Variants in RIMBP2 observed in about 807,000 individuals in gnomAD.
The protein encoded by RIMBP2 is RIMS-binding protein 2.
In RIMBP2, 48 loss-of-function variants were observed where a neutral mutation model predicts 118.6. The ratio of observed to expected loss-of-function variants is 0.40; its 90% CI spans 0.32 to 0.51. The LOEUF (loss-of-function observed/expected upper bound fraction) is 0.51. Among genes scored for constraint, RIMBP2 ranks in the 20% least tolerant of loss-of-function variants. The probability of loss-of-function intolerance (pLI) is 0.41; values close to 1 mark genes in which losing one functional copy is unlikely to be tolerated. For missense variants in RIMBP2, 1,551 were observed against 1,768.3 expected (o/e 0.88, Z 2.20); for synonymous variants, 762 against 742.9 (o/e 1.03, Z -0.42).
At chr12:130,544,839 T>C (rs1319843132) in intron 2 of RIMBP2, among the ~76,000 whole-genome samples, 1 of 151,942 alleles carries the variant, frequency 6.6e-6, no homozygotes, top group African/African-American at 2.4e-5. Context: ...GTGATCTGCC[T>C]GCCTCCACCT....
intron 1 of RIMBP2, among the ~76,000 whole-genome samples, chr12:130,714,336 C>A (rs1409955115): frequency 2.0e-5 from 3 of 152,252 alleles, no homozygotes; most frequent in Admixed American, 6.5e-5. Context: ...CCCGGCTGCA[C>A]GCTGGCCTCA....
At chr12:130,566,792 T>C (rs147883809) in intron 2 of RIMBP2, among the ~76,000 whole-genome samples, 1 of 152,356 alleles carries the variant, frequency 6.6e-6, no homozygotes, top group East Asian at 1.9e-4. Context: ...TTAAAATTGC[T>C]AAGTTTGGGG....
chr12:130,425,851 C>T (rs915586724), intron 15 of RIMBP2: 11 of 152,376 alleles, frequency 7.2e-5, no homozygotes, highest in African/African-American at 2.2e-4. Context: ...GTCTGTCCCC[C>T]CTCTTGCTGT....
chr12:130,402,029 C>T (rs940409506), intron 21 of RIMBP2, among the ~76,000 whole-genome samples: 1 of 152,216 alleles, frequency 6.6e-6, no homozygotes. Flanking sequence ...GAACTGCCTG[C>T]ACTGGTTATT....
chr12:130,637,105 CCA>C (rs1406229200), intron 1 of RIMBP2, among the ~76,000 whole-genome samples: 1 of 152,162 alleles, frequency 6.6e-6, no homozygotes, highest in Non-Finnish European at 1.5e-5. Context: ...ATAGAAAATT[CCA>C]CACTCCACAG....
chr12:130,455,631 G>A (rs930000336), intron 7 of RIMBP2, among the ~76,000 whole-genome samples: 3 of 152,212 alleles, frequency 2.0e-5, no homozygotes, highest in African/African-American at 7.2e-5. Flanking sequence ...CAAGACACAA[G>A]TGGCATCTCC....
intron 1 of RIMBP2, among the ~76,000 whole-genome samples, chr12:130,678,250 G>A (rs1029408809): frequency 1.6e-4 from 24 of 152,282 alleles, no homozygotes; most frequent in African/African-American, 5.5e-4. Flanking sequence ...GGGGAGCAGC[G>A]AAAACGCCAA....
intron 1 of RIMBP2, among the ~76,000 whole-genome samples, chr12:130,649,795 G>A (rs1378380748): frequency 1.3e-5 from 2 of 151,956 alleles, no homozygotes; most frequent in Admixed American, 6.6e-5. Flanking sequence ...AACAGGGAGG[G>A]GTGCCCTGCT....
chr12:130,708,469 C>T (rs1949657845), intron 1 of RIMBP2, among the ~76,000 whole-genome samples: 1 of 152,138 alleles, frequency 6.6e-6, no homozygotes, highest in African/African-American at 2.4e-5. Context: ...AGGAGGATCG[C>T]TTGAGTCCAG....
In RIMBP2 at chr12:130,438,517, C is replaced by A; in HGVS notation, c.1505-1G>T. ...ACATCTTGTGGGGGTGCTGGGGGTC[C>A]TGGGAGGGGACAGAAGGGAACGGAG... On this transcript the variant is annotated splice_acceptor_variant, in intron 11 of 22. Transcript: ENST00000690449. LOFTEE classifies it high-confidence loss of function. 1 of 1,597,768 alleles carries A rather than the reference C, an allele frequency of 6.3e-7. No individual in the cohort carries two copies. Among genetic ancestry groups the A allele is most frequent in the Non-Finnish European group, 8.5e-7 (1 of 1,171,572 alleles).
At chr12:130,711,853 A>G (rs766555463) in intron 1 of RIMBP2, among the ~76,000 whole-genome samples, 3 of 152,216 alleles carry the variant, frequency 2.0e-5, no homozygotes, top group Non-Finnish European at 4.4e-5. Context: ...ACACAGGTAC[A>G]CTGCACACAC....
At chr12:130,436,162 G>T (rs758167564) in intron 13 of RIMBP2, among the ~76,000 whole-genome samples, 2 of 152,198 alleles carry the variant, frequency 1.3e-5, no homozygotes, top group Non-Finnish European at 2.9e-5. Flanking sequence ...AGCCCTGCAC[G>T]GGGGGCATTG....
chr12:130,675,556 CCG>C (rs1160748522), intron 1 of RIMBP2, among the ~76,000 whole-genome samples: 1 of 1,898 alleles, frequency 5.3e-4, no homozygotes, highest in African/African-American at 1.6e-3. Flanking sequence ...TGCCTCCAGG[CCG>C]TCCACCCCCA....
At chr12:130,462,412 G>A (rs753339266) in intron 6 of RIMBP2, among the ~76,000 whole-genome samples, 22 of 152,208 alleles carry the variant, frequency 1.4e-4, no homozygotes, top group Non-Finnish European at 3.2e-4. Context: ...CCCCGAGGAT[G>A]CCTGCCCGGC....
At chr12:130,502,762 C>A (rs142429550) in intron 4 of RIMBP2, among the ~76,000 whole-genome samples, 2 of 152,238 alleles carry the variant, frequency 1.3e-5, no homozygotes, top group East Asian at 3.9e-4. Flanking sequence ...ACTGCTATAC[C>A]CCTGGTGCCT....
At chr12:130,636,124 C>T (rs1161257228) in intron 1 of RIMBP2, among the ~76,000 whole-genome samples, 1 of 152,164 alleles carries the variant, frequency 6.6e-6, no homozygotes, top group Non-Finnish European at 1.5e-5. Context: ...GAGTCTTTGG[C>T]CTCTCTCGGC....
At chr12:130,605,420 T>C (rs986676743) in intron 2 of RIMBP2, among the ~76,000 whole-genome samples, 5 of 152,138 alleles carry the variant, frequency 3.3e-5, no homozygotes, top group African/African-American at 1.2e-4. Context: ...CGTGGCTGGA[T>C]CTGGGTGCAA....
intron 1 of RIMBP2, among the ~76,000 whole-genome samples, chr12:130,643,655 G>A (rs1035074002): frequency 6.6e-6 from 1 of 152,206 alleles, no homozygotes; most frequent in Non-Finnish European, 1.5e-5. Context: ...GCTGCACTCT[G>A]CGGAGGCGGG....
chr12:130,633,632 G>A (rs2062143015), intron 1 of RIMBP2, among the ~76,000 whole-genome samples: 1 of 152,186 alleles, frequency 6.6e-6, no homozygotes, highest in Non-Finnish European at 1.5e-5. Flanking sequence ...TTAGAAACCA[G>A]GGGTTATCAC....
Sources: gnomAD v4.1 joint callset for allele counts (sites outside exome capture counted in the v4.1 genomes callset) on GRCh38, gnomAD v4.1.1 for gene constraint, MANE v1.5 for transcripts, NCBI Gene and HGNC (gene_info 2026-07-23, HGNC 2026-07-21) for gene names.